CEMIP: variants seen among roughly 807,000 people sequenced by gnomAD.
CEMIP encodes cell migration-inducing and hyaluronan-binding protein.
In CEMIP, 105 loss-of-function variants were observed where a neutral mutation model predicts 156.9. That is an observed-to-expected ratio of 0.67 (90% CI 0.57 to 0.79). The LOEUF (loss-of-function observed/expected upper bound fraction) is 0.79, where lower values mean the gene tolerates loss of function less well. Among genes scored for constraint, CEMIP ranks in the 30% least tolerant of loss-of-function variants. CEMIP has a pLI of 0.00. For missense variants in CEMIP, 1,457 were observed against 1,769.4 expected, an observed-to-expected ratio of 0.82 and a Z score of 3.17; for synonymous variants, 676 against 668.4, an observed-to-expected ratio of 1.01 and a Z score of -0.17.
At chr15:80,831,444 G>T (rs1348882842) in intron 1 of CEMIP, among the ~76,000 whole-genome samples, 4 of 152,158 alleles carry the variant, frequency 2.6e-5, no homozygotes, top group Non-Finnish European at 5.9e-5. Flanking sequence ...CAGTTTCACA[G>T]TGGGCACAGG....
At chr15:80,899,225 A>AAAAGAAAG (rs112037024) in intron 12 of CEMIP, among the ~76,000 whole-genome samples, 5 of 126,790 alleles carry the variant, frequency 3.9e-5, no homozygotes, top group African/African-American at 1.2e-4. Flanking sequence ...AAAAAAAAAA[A>AAAAGAAAG]AAAGAAAGAA....
chr15:80,932,173 C>A lies in CEMIP; in HGVS notation c.2793+134C>A. 1.9e-6 allele frequency: 2 copies of A among 1,029,250 alleles called. No homozygotes were observed. The highest frequency in any genetic ancestry group is 2.9e-6 in the Non-Finnish European group (2 of 678,104). 63.8% of individuals were successfully genotyped at this position (1,029,250 alleles called of 1,614,324 possible). ...GAAGCCTCCTCCAACTAGGCTGGGC[C>A]ATGTCCCAGTTTGCTCTTCATCCAA... On this transcript the variant is annotated intron_variant, in intron 22 of 29. Coordinates refer to ENST00000394685, the MANE Select transcript of CEMIP (RefSeq NM_001293298.2). The surrounding 1 kb of genome is among the most constrained non-coding windows in gnomAD (Gnocchi z 4.5).
At chr15:80,808,690 TGG>T (rs1246964728) in intron 1 of CEMIP, among the ~76,000 whole-genome samples, 1 of 151,780 alleles carries the variant, frequency 6.6e-6, no homozygotes. Flanking sequence ...AGAAGTAGTT[TGG>T]GTAGCATCTG....
At chr15:80,785,879 A>G (rs1895923535) in intron 1 of CEMIP, among the ~76,000 whole-genome samples, 1 of 152,182 alleles carries the variant, frequency 6.6e-6, no homozygotes, top group Admixed American at 6.5e-5. Flanking sequence ...AAGCTCCCTT[A>G]CCTGCCCAGG....
chr15:80,836,548 G>A (rs1486251449), intron 1 of CEMIP, among the ~76,000 whole-genome samples: 3 of 151,858 alleles, frequency 2.0e-5, no homozygotes, highest in Non-Finnish European at 4.4e-5. Context: ...TTCCTCAAAC[G>A]TTTCTGTTTT....
chr15:80,948,927 A>C lies in CEMIP; in HGVS notation c.*3A>C, dbSNP rs1321399423. The C allele has an allele frequency of 6.2e-7, 1 of 1,614,242 alleles. No homozygotes were observed. The highest frequency in any genetic ancestry group is 1.7e-5 in the Admixed American group (1 of 60,032). On this transcript the variant is annotated 3_prime_UTR_variant, in exon 30 of 30. Transcript: ENST00000394685. ...TGGTGAAGAAGAAGAAGTTGTGAGG[A>C]CAGCTGCCGCCCGGTGCCACCTCGT...
intron 13 of CEMIP, among the ~76,000 whole-genome samples, chr15:80,907,643 A>C (rs1899865663): frequency 6.6e-6 from 1 of 152,236 alleles, no homozygotes; most frequent in Admixed American, 6.5e-5. Flanking sequence ...AAGACAAAGA[A>C]GAGACATAGT....
intron 3 of CEMIP, among the ~76,000 whole-genome samples, chr15:80,877,770 C>G (rs572264058): frequency 1.3e-3 from 199 of 152,318 alleles, no homozygotes; most frequent in African/African-American, 4.6e-3. Flanking sequence ...CAATACCCAC[C>G]CCCGGTCTTT....
intron 19 of CEMIP, among the ~76,000 whole-genome samples, chr15:80,926,666 G>A (rs377699636): frequency 3.6e-4 from 55 of 152,244 alleles, no homozygotes; most frequent in African/African-American, 1.3e-3. Context: ...ATGCTTGAGA[G>A]ACAGAGAAGG....
In CEMIP at chr15:80,937,912, T is replaced by G; in HGVS notation, c.3340T>G (p.Leu1114Val). 1 of 1,614,206 alleles carries G rather than the reference T, an allele frequency of 6.2e-7. No homozygotes were observed. Among genetic ancestry groups the G allele is most frequent in the East Asian group, 2.2e-5 (1 of 44,892 alleles). ...CAAGACGGGCGTCTTCGTGAGGACC[T>G]TGCAGATGGACAAAGTGGAGCAGAG... Reference protein sequence around the residue: ...TSKTGVFVRTLQMDKVEQSYP... With the variant: ...TSKTGVFVRTVQMDKVEQSYP... The change falls in exon 25 of 30, where the codon TTG (leucine) becomes GTG (valine). Residue 1114 changes from leucine (L) to valine (V), a missense_variant. This residue lies in a region of CEMIP where 798 missense variants were observed against 980.1 expected (regional missense o/e 0.81). Coordinates refer to ENST00000394685, the MANE Select transcript of CEMIP (RefSeq NM_001293298.2).
intron 1 of CEMIP, among the ~76,000 whole-genome samples, chr15:80,858,551 T>TAAAAAAA (rs59305579): frequency 3.8e-5 from 5 of 130,510 alleles, no homozygotes; most frequent in African/African-American, 1.1e-4. Flanking sequence ...TGGTCTCTAC[T>TAAAAAAA]AAAAAAAAAA....
intron 1 of CEMIP, among the ~76,000 whole-genome samples, chr15:80,804,419 TAA>T (rs1338784819): frequency 6.6e-6 from 1 of 152,216 alleles, no homozygotes; most frequent in Non-Finnish European, 1.5e-5. Flanking sequence ...AGCTCTGGAC[TAA>T]GAGACAGAAG....
intron 12 of CEMIP, among the ~76,000 whole-genome samples, chr15:80,904,365 T>A (rs927832776): frequency 6.6e-6 from 1 of 152,120 alleles, no homozygotes; most frequent in Admixed American, 6.5e-5. Context: ...CATTCCAGCC[T>A]GGGTGACAGG....
chr15:80,944,180 T>A (rs1284454619), intron 28 of CEMIP, among the ~76,000 whole-genome samples: 1 of 152,206 alleles, frequency 6.6e-6, no homozygotes, highest in Non-Finnish European at 1.5e-5. Context: ...CTCAGGAGGC[T>A]GAGGCAGGAG....
Position 80,949,185 on chromosome 15 carries a change from C to T in CEMIP, c.*261C>T, listed in dbSNP as rs1237670239. Reference sequence around the variant, plus strand: ...CTTTCCTGCAGCCTCTTGGGTGCTTCTCTCCTATCTGTGCCTCTTCAGTGG... The same window carrying T: ...CTTTCCTGCAGCCTCTTGGGTGCTTTTCTCCTATCTGTGCCTCTTCAGTGG... On this transcript the variant is annotated 3_prime_UTR_variant, in exon 30 of 30. Transcript: ENST00000394685. 5.8e-6 allele frequency: 3 copies of T among 517,204 alleles called. No homozygotes were observed. The highest frequency in any genetic ancestry group is 5.8e-5 in the African/African-American group (3 of 51,992). The allele number at this position is 517,204 out of a possible 1,614,324, so 32.0% of individuals were successfully genotyped here.
intron 1 of CEMIP, among the ~76,000 whole-genome samples, chr15:80,835,111 C>G (rs983015922): frequency 1.1e-4 from 16 of 151,716 alleles, no homozygotes; most frequent in Non-Finnish European, 2.1e-4. Flanking sequence ...GAGAAAGAGA[C>G]AGAGAGCAAG....
At chr15:80,836,516 C>T (rs1420981638) in intron 1 of CEMIP, among the ~76,000 whole-genome samples, 1 of 152,198 alleles carries the variant, frequency 6.6e-6, no homozygotes, top group Non-Finnish European at 1.5e-5. Context: ...ACACACATTC[C>T]GTAAAAAACA....
At chr15:80,920,856 T>C (rs1900444916) in intron 15 of CEMIP, among the ~76,000 whole-genome samples, 176 bp from the exon 16 acceptor site, 1 of 152,228 alleles carries the variant, frequency 6.6e-6, no homozygotes, top group Admixed American at 6.5e-5. Context: ...GTGCTTAAAC[T>C]AGCACCACAC....
chr15:80,818,162 T>G (rs1394124740), intron 1 of CEMIP, among the ~76,000 whole-genome samples: 1 of 152,238 alleles, frequency 6.6e-6, no homozygotes. Flanking sequence ...TCACTCATGT[T>G]CATGTCCAAT....
Sources: allele counts gnomAD v4.1 joint callset (sites outside exome capture counted in the v4.1 genomes callset), GRCh38; gene constraint gnomAD v4.1.1; regional missense constraint gnomAD v4.1.1; non-coding constraint Gnocchi (gnomAD v3.1); transcripts MANE v1.5; gene names NCBI Gene and HGNC (gene_info 2026-07-23, HGNC 2026-07-21).